RFX6: variants seen among roughly 807,000 people sequenced by gnomAD.
RFX6 encodes the protein DNA-binding protein RFX6.
A neutral mutation model predicts 110.8 loss-of-function variants in RFX6; 50 were observed. The observed-to-expected ratio is 0.45, with a 90% CI of 0.36 to 0.57. The LOEUF (loss-of-function observed/expected upper bound fraction) is 0.57, where lower values mean the gene tolerates loss of function less well. Among genes scored for constraint, RFX6 ranks in the 20% least tolerant of loss-of-function variants. RFX6 has a pLI of 0.00. For synonymous variants in RFX6, 383 were observed against 411.2 expected, an observed-to-expected ratio of 0.93 and a Z score of 0.83; for missense variants, 990 against 1,127.0, an observed-to-expected ratio of 0.88 and a Z score of 1.74.
In RFX6 at chr6:116,927,549, T is replaced by G. The variant is rs536214477; in HGVS notation, c.2398+10T>G. The G allele has an allele frequency of 6.2e-7, 1 of 1,610,256 alleles. No homozygotes were observed. Among genetic ancestry groups the G allele is most frequent in the Non-Finnish European group, 8.5e-7 (1 of 1,179,684 alleles). ...CCTAATTCACCAAATGGTATTGATA[T>G]TTAAAAGAATTTTTCTTGGTTTTTG... On this transcript the variant is annotated intron_variant, in intron 17 of 18. Transcript: ENST00000332958.
In RFX6 at chr6:116,918,301, C is replaced by T. The variant is rs149271829; in HGVS notation, c.1022+215C>T. On this transcript the variant is annotated intron_variant, in intron 10 of 18. Transcript: ENST00000332958. ...TCCTTCAATCCCTTTAATTTGAGAG[C>T]GGCTAAAGTGAAAAATAGATTTAAG... Among the ~76,000 whole-genome samples the T allele has an allele frequency of 2.7e-3, 410 of 151,936 alleles. 2 individuals carry two copies. The highest frequency in any genetic ancestry group is 9.2e-3 in the African/African-American group (383 of 41,480).
chr6:116,901,421 A>G (rs534283504), intron 6 of RFX6, among the ~76,000 whole-genome samples: 2 of 152,344 alleles, frequency 1.3e-5, no homozygotes, highest in Admixed American at 6.5e-5. Flanking sequence ...GGAAAGATAC[A>G]GAACATTTCC....
chr6:116,896,496 C>T (rs1262804688), intron 6 of RFX6, among the ~76,000 whole-genome samples: 1 of 152,096 alleles, frequency 6.6e-6, no homozygotes, highest in African/African-American at 2.4e-5. Flanking sequence ...AAAATATTTT[C>T]ATAACACAAT....
chr6:116,878,432 A>G (rs906741989), intron 2 of RFX6, among the ~76,000 whole-genome samples: 6 of 152,148 alleles, frequency 3.9e-5, no homozygotes, highest in Admixed American at 2.6e-4. Context: ...GAAGACATAG[A>G]AAAAATCGGT....
chr6:116,926,971 G>T, intron 16 of RFX6, 56 bp from the exon 17 acceptor site: 1 of 1,435,734 alleles, frequency 7.0e-7, no homozygotes, highest in Non-Finnish European at 9.8e-7. Context: ...TTTTAAAGAT[G>T]TGAGCTCATC....
intron 6 of RFX6, among the ~76,000 whole-genome samples, chr6:116,897,757 T>G (rs1774981045): frequency 6.6e-6 from 1 of 152,134 alleles, no homozygotes; most frequent in South Asian, 2.1e-4. Context: ...TAACTGATTT[T>G]AGTTGGGAAA....
intron 12 of RFX6, 103 bp downstream of exon 12, chr6:116,920,557 G>A (rs1775572744): frequency 1.0e-6 from 1 of 978,094 alleles, no homozygotes; most frequent in Non-Finnish European, 1.6e-6. Flanking sequence ...TGTGCTGTAG[G>A]ATGTTTAGCA....
At chr6:116,920,870 T>G (rs1246581740) in intron 12 of RFX6, among the ~76,000 whole-genome samples, 1 of 152,220 alleles carries the variant, frequency 6.6e-6, no homozygotes, top group Non-Finnish European at 1.5e-5. Flanking sequence ...TTTTGAGTTT[T>G]GTAAGTTTTC....
rs1445567359 is a variant in RFX6, at chr6:116,919,268, G to A, written c.1154G>A (p.Arg385Gln). The part of the protein sequence containing the change: ...IVRRFVSSLK[R>Q]QTSFLHLAQI... ...CGAAGATTTGTATCTTCTCTGAAAC[G>A]ACAAACATCTTTCTTACATCTTGCC... Residue 385 changes from arginine (R) to glutamine (Q), a missense_variant, in exon 11 of 19, where the codon CGA becomes CAA. Coordinates refer to ENST00000332958, the MANE Select transcript of RFX6 (RefSeq NM_173560.4). 5 of 1,613,420 alleles carry A rather than the reference G, an allele frequency of 3.1e-6. No homozygotes were observed. Among genetic ancestry groups the A allele is most frequent in the Non-Finnish European group, 4.2e-6 (5 of 1,179,550 alleles).
At chr6:116,888,284 TA>T (rs1288065062) in intron 4 of RFX6, among the ~76,000 whole-genome samples, 1 of 152,200 alleles carries the variant, frequency 6.6e-6, no homozygotes, top group African/African-American at 2.4e-5. Flanking sequence ...AGGCACAAAG[TA>T]AATATTTTAG....
chr6:116,881,802 G>A (rs1774595930), intron 3 of RFX6, among the ~76,000 whole-genome samples: 1 of 152,030 alleles, frequency 6.6e-6, no homozygotes, highest in Non-Finnish European at 1.5e-5. Context: ...AGTTTGCCAT[G>A]GAGCTCTTTA....
At chr6:116,929,994 A>T (rs1460770727) in intron 18 of RFX6, among the ~76,000 whole-genome samples, 1 of 152,204 alleles carries the variant, frequency 6.6e-6, no homozygotes, top group East Asian at 1.9e-4. Context: ...CTTCTAGGTT[A>T]CTCTAATGAA....
At chr6:116,929,440 A>T (rs1380137879) in intron 18 of RFX6, among the ~76,000 whole-genome samples, 1 of 152,092 alleles carries the variant, frequency 6.6e-6, no homozygotes, top group Non-Finnish European at 1.5e-5. Context: ...GGGTGCTACT[A>T]GCATTTTCTC....
At chr6:116,927,611 C>A in intron 17 of RFX6, 72 bp downstream of exon 17, 1 of 1,202,398 alleles carries the variant, frequency 8.3e-7, no homozygotes, top group Non-Finnish European at 1.2e-6. Flanking sequence ...TTGCGTTCCA[C>A]CTCTGCTGAC....
intron 5 of RFX6, among the ~76,000 whole-genome samples, chr6:116,894,344 T>TA (rs1774894672): frequency 6.6e-6 from 1 of 152,174 alleles, no homozygotes; most frequent in South Asian, 2.1e-4. Context: ...TATTTACTAA[T>TA]AAAGCAAAGT....
intron 16 of RFX6, among the ~76,000 whole-genome samples, chr6:116,926,193 C>A (rs1395699432): frequency 6.6e-6 from 1 of 152,142 alleles, no homozygotes; most frequent in Non-Finnish European, 1.5e-5. Context: ...TGGCAGGCGC[C>A]TGTACTCTCT....
intron 4 of RFX6, among the ~76,000 whole-genome samples, chr6:116,884,596 T>G (rs1210199271): frequency 6.6e-6 from 1 of 152,090 alleles, no homozygotes; most frequent in African/African-American, 2.4e-5. Flanking sequence ...CAGATAGTGT[T>G]TAAAGTAAAT....
At chr6:116,930,457 T>G (rs968658749) in intron 18 of RFX6, among the ~76,000 whole-genome samples, 1 of 152,158 alleles carries the variant, frequency 6.6e-6, no homozygotes, top group Non-Finnish European at 1.5e-5. Flanking sequence ...GAAGTTTACA[T>G]TCTAGTAGAG....
chr6:116,887,697 G>A (rs1774729371), intron 4 of RFX6, among the ~76,000 whole-genome samples: 1 of 152,180 alleles, frequency 6.6e-6, no homozygotes, highest in Non-Finnish European at 1.5e-5. Context: ...AAAGCGTGAT[G>A]CTAAAGAGTT....
Sources: gnomAD v4.1 joint callset for allele counts (sites outside exome capture counted in the v4.1 genomes callset) on GRCh38, gnomAD v4.1.1 for gene constraint, MANE v1.5 for transcripts, NCBI Gene and HGNC (gene_info 2026-07-23, HGNC 2026-07-21) for gene names.